CNTNAP5: variants seen among roughly 807,000 people sequenced by gnomAD.
CNTNAP5 encodes the protein contactin associated protein family member 5, also known as contactin-associated protein-like 5.
In CNTNAP5, 72 loss-of-function variants were observed where a neutral mutation model predicts 150.2. That is an observed-to-expected ratio of 0.48 (90% CI 0.40 to 0.58). The LOEUF is 0.58. Among genes scored for constraint, CNTNAP5 ranks in the 20% least tolerant of loss-of-function variants. The pLI is 0.00. For synonymous variants in CNTNAP5, 672 were observed against 619.8 expected (o/e 1.08, Z -1.25); for missense variants, 1,636 against 1,626.2 (o/e 1.01, Z -0.10).
intron 3 of CNTNAP5, among the ~76,000 whole-genome samples, chr2:124,310,058 T>C (rs1357083389): frequency 3.8e-5 from 3 of 79,228 alleles, no homozygotes; most frequent in Admixed American, 2.2e-4. Flanking sequence ...ATCTCTTACC[T>C]TTTTTTTTTT....
chr2:124,213,991 G>C (rs994089565), intron 1 of CNTNAP5, among the ~76,000 whole-genome samples: 1 of 152,120 alleles, frequency 6.6e-6, no homozygotes, highest in Admixed American at 6.5e-5. Flanking sequence ...TTAGAAGCAG[G>C]TTTCAACTCA....
chr2:124,353,857 G>A (rs1233878823), intron 3 of CNTNAP5, among the ~76,000 whole-genome samples: 1 of 152,182 alleles, frequency 6.6e-6, no homozygotes, highest in African/African-American at 2.4e-5. Context: ...GTCACAGAGA[G>A]AGTCAGTGAG....
chr2:124,561,793 T>C (rs770936409), intron 10 of CNTNAP5, among the ~76,000 whole-genome samples: 3 of 152,216 alleles, frequency 2.0e-5, no homozygotes, highest in Non-Finnish European at 4.4e-5. Context: ...CCTACTTATA[T>C]AGGGCAGTCA....
chr2:124,605,585 G>A (rs185643077), intron 11 of CNTNAP5, among the ~76,000 whole-genome samples: 1 of 152,028 alleles, frequency 6.6e-6, no homozygotes, highest in African/African-American at 2.4e-5. Flanking sequence ...GGGAGGCTGA[G>A]GCAGGTGGAT....
chr2:124,117,085 T>C (rs562119422), intron 1 of CNTNAP5, among the ~76,000 whole-genome samples: 1 of 152,348 alleles, frequency 6.6e-6, no homozygotes, highest in East Asian at 1.9e-4. Context: ...ACACTGATAT[T>C]GTCAGCATTA....
At chr2:124,029,930 A>G (rs925191120) in intron 1 of CNTNAP5, among the ~76,000 whole-genome samples, 1 of 152,096 alleles carries the variant, frequency 6.6e-6, no homozygotes, top group Admixed American at 6.5e-5. Context: ...CCCAGAGGAC[A>G]ATTGGAATTC....
intron 6 of CNTNAP5, among the ~76,000 whole-genome samples, chr2:124,464,549 C>T (rs1693331764): frequency 6.6e-6 from 1 of 152,096 alleles, no homozygotes; most frequent in African/African-American, 2.4e-5. Flanking sequence ...TCAGAAGTTC[C>T]AAACATGGGA....
At chr2:124,778,269 T>C (rs1398236165) in intron 17 of CNTNAP5, among the ~76,000 whole-genome samples, 1 of 152,122 alleles carries the variant, frequency 6.6e-6, no homozygotes, top group Non-Finnish European at 1.5e-5. Flanking sequence ...GGTTTCCATT[T>C]CTCTGAGTCT....
intron 3 of CNTNAP5, among the ~76,000 whole-genome samples, chr2:124,373,268 A>T (rs1690572621): frequency 6.6e-6 from 1 of 152,180 alleles, no homozygotes; most frequent in Non-Finnish European, 1.5e-5. Context: ...GTGTTGCTGT[A>T]TAAATTGGAA....
chr2:124,785,075 G>GAA (rs1221251900), intron 17 of CNTNAP5, among the ~76,000 whole-genome samples: 23 of 139,396 alleles, frequency 1.6e-4, no homozygotes, highest in African/African-American at 4.9e-4. Context: ...AAAAGAAAAA[G>GAA]AAAAAAAACC....
chr2:124,449,376 AAAAC>A (rs1283034829), intron 6 of CNTNAP5, among the ~76,000 whole-genome samples: 1 of 151,896 alleles, frequency 6.6e-6, no homozygotes, highest in East Asian at 1.9e-4. Flanking sequence ...CAAAAAAAAC[AAAAC>A]AAACAAACAA....
intron 10 of CNTNAP5, among the ~76,000 whole-genome samples, chr2:124,548,789 A>T (rs2104914450): frequency 6.6e-6 from 1 of 152,314 alleles, no homozygotes; most frequent in Non-Finnish European, 1.5e-5. Flanking sequence ...ACAAGGATTA[A>T]GATATTGTGC....
chr2:124,103,296 T>A (rs141951094), intron 1 of CNTNAP5, among the ~76,000 whole-genome samples: 2,013 of 152,176 alleles, frequency 0.013, 40 homozygotes, highest in Admixed American at 0.062. Flanking sequence ...AAAGTAAACA[T>A]GTTATAGTAA....
intron 4 of CNTNAP5, among the ~76,000 whole-genome samples, chr2:124,427,179 A>G (rs573563254): frequency 7.2e-5 from 11 of 152,292 alleles, no homozygotes; most frequent in African/African-American, 2.6e-4. Context: ...GGAACAGATA[A>G]CAGGTATTAA....
chr2:124,743,645 G>A (rs925103017), intron 13 of CNTNAP5, among the ~76,000 whole-genome samples: 14 of 152,294 alleles, frequency 9.2e-5, no homozygotes, highest in African/African-American at 2.6e-4. Flanking sequence ...CAGCTGGGCA[G>A]GGTTTTATAT....
intron 19 of CNTNAP5, among the ~76,000 whole-genome samples, chr2:124,810,047 C>T (rs1682174057): frequency 6.6e-6 from 1 of 152,200 alleles, no homozygotes; most frequent in African/African-American, 2.4e-5. Flanking sequence ...GGTTTGCGAA[C>T]TGGAATCCTA....
At chr2:124,376,885 G>C (rs1690662540) in intron 3 of CNTNAP5, among the ~76,000 whole-genome samples, 1 of 151,942 alleles carries the variant, frequency 6.6e-6, no homozygotes, top group African/African-American at 2.4e-5. Context: ...GAAGTACTGG[G>C]GAATGCACTA....
intron 1 of CNTNAP5, among the ~76,000 whole-genome samples, chr2:124,063,713 C>T (rs980095740): frequency 6.6e-6 from 1 of 152,136 alleles, no homozygotes; most frequent in Admixed American, 6.6e-5. Flanking sequence ...TGCCCAAATC[C>T]TGTAAGGCAA....
At chr2:124,461,797 G>A (rs1327658373) in intron 6 of CNTNAP5, among the ~76,000 whole-genome samples, 3 of 150,686 alleles carry the variant, frequency 2.0e-5, no homozygotes, top group Non-Finnish European at 4.4e-5. Flanking sequence ...GGAGGTGGAG[G>A]TTGCAGTGAG....
Sources: allele counts gnomAD v4.1 joint callset (sites outside exome capture counted in the v4.1 genomes callset), GRCh38; gene constraint gnomAD v4.1.1; transcripts MANE v1.5; gene names NCBI Gene and HGNC (gene_info 2026-07-23, HGNC 2026-07-21).